NID2: variants seen among roughly 807,000 people sequenced by gnomAD.
NID2 encodes the protein nidogen 2, also known as nidogen-2.
NID2 carries 83 observed loss-of-function variants against 145.4 expected under a neutral mutation model. The observed-to-expected ratio is 0.57, with a 90% CI of 0.48 to 0.69. The LOEUF (loss-of-function observed/expected upper bound fraction) is 0.69. Among genes scored for constraint, NID2 ranks in the 30% least tolerant of loss-of-function variants. The pLI is 0.00. For missense variants in NID2, 1,807 were observed against 1,765.7 expected, an observed-to-expected ratio of 1.02 and a Z score of -0.42; for synonymous variants, 739 against 701.3, an observed-to-expected ratio of 1.05 and a Z score of -0.85.
chr14:52,068,697 G>A (rs984050), intron 1 of NID2, 70 bp downstream of exon 1: 1,182,261 of 1,374,222 alleles, frequency 0.86, 514,905 homozygotes, highest in East Asian at 1. Context: ...CCCTCTGGAG[G>A]CAGGGTTTCC....
intron 5 of NID2, among the ~76,000 whole-genome samples, chr14:52,051,563 AC>A (rs1356867502): frequency 6.6e-6 from 1 of 151,952 alleles, no homozygotes. Context: ...TGCCACTCCC[AC>A]CCCACAGCTT....
chr14:52,028,306 A>C (rs1452903770), intron 11 of NID2, among the ~76,000 whole-genome samples: 1 of 149,632 alleles, frequency 6.7e-6, no homozygotes, highest in East Asian at 2.0e-4. Context: ...ACAGAGTCTC[A>C]CTCTATTACC....
rs770850270 is a variant in NID2 at position 52,019,304 on chromosome 14, T to C, written c.2795-10A>G. 1.9e-6 allele frequency: 3 copies of C among 1,568,900 alleles called. No individual in the cohort carries two copies. Among genetic ancestry groups the C allele is most frequent in the Admixed American group, 1.7e-5 (1 of 58,228 alleles). On this transcript the variant is annotated splice_polypyrimidine_tract_variant and intron_variant, in intron 13 of 21. Coordinates refer to ENST00000216286, the MANE Select transcript of NID2 (RefSeq NM_007361.4). ...AGGCTTGAGGTGGAGTCTTCCAGGA[T>C]CAAGGCAGAGGAAGACACAAAAGAG...
intron 3 of NID2, among the ~76,000 whole-genome samples, chr14:52,059,545 C>T (rs1892958615): frequency 6.6e-6 from 1 of 152,162 alleles, no homozygotes; most frequent in South Asian, 2.1e-4. Context: ...CTAAGTAAGC[C>T]CTCTGGATCA....
chr14:52,038,856 C>T lies in NID2; in HGVS notation c.2148G>A (p.Pro716=), dbSNP rs200855288. Reference sequence around the variant, plus strand: ...TCAGCTGCTGGGTGGTGGGGAAGGACGGGTGTCTGGGGGCGTGCCTGCACA... The same window carrying T: ...TCAGCTGCTGGGTGGTGGGGAAGGATGGGTGTCTGGGGGCGTGCCTGCACA... ...YQVCRHAPRH[P]SFPTTQQLNV... The change falls in exon 9 of 22, where the codon CCG becomes CCA. Residue 716 remains proline (P), a synonymous_variant. Transcript: ENST00000216286. The T allele has an allele frequency of 2.6e-5, 42 of 1,613,898 alleles. No homozygotes were observed. Among genetic ancestry groups the T allele is most frequent in the Non-Finnish European group, 3.1e-5 (37 of 1,179,992 alleles).
chr14:52,068,008 G>C lies in NID2; in HGVS notation c.384C>G (p.Thr128=), dbSNP rs1893285882. The C allele has an allele frequency of 3.7e-6, 6 of 1,612,672 alleles. No homozygotes were observed. The highest frequency in any genetic ancestry group is 4.2e-6 in the Non-Finnish European group (5 of 1,179,086). ...CGGCCAGGCCCAGCACTGCGGGGGA[G>C]GTGTCCTCTCGGTACAGGACTCGGC... ...GRGRVLYRED[T]SPAVLGLAAR... is the part of the protein sequence containing the mutation. The change falls in exon 2 of 22, where the codon ACC becomes ACG. Residue 128 remains threonine (T), a synonymous_variant. Transcript: ENST00000216286.
chr14:52,007,080 A>G (rs945273788), intron 19 of NID2: 8 of 155,814 alleles, frequency 5.1e-5, no homozygotes, highest in African/African-American at 1.9e-4. Flanking sequence ...TAGGAGGAAA[A>G]AAGTGACTAA....
In NID2 at chr14:52,040,465, G is replaced by T. The variant is rs554754607; in HGVS notation, c.2026+186C>A. On this transcript the variant is annotated intron_variant, in intron 8 of 21. Transcript: ENST00000216286. ...AGGGATATAGATATTCTTATGTATA[G>T]CAGCCATTCTGCTCACTTACACGAT... is the stretch of plus-strand genomic sequence containing the variant. Among the ~76,000 whole-genome samples, 7 of 152,230 alleles carry T rather than the reference G, an allele frequency of 4.6e-5. No homozygotes were observed. In the East Asian group the frequency reaches 1.4e-3, roughly 29 times the overall value.
At position 52,060,363 on chromosome 14, in the gene NID2, G is replaced by GAA; in HGVS notation, c.535-8_535-7insTT. On this transcript the variant is annotated splice_region_variant and splice_polypyrimidine_tract_variant and intron_variant, in intron 2 of 21. Coordinates refer to ENST00000216286, the MANE Select transcript of NID2 (RefSeq NM_007361.4). ...CTGCCTGGAAAGTGTTCAGCTGTGAGGAAAAAAAAAAAAAAAGAGAGAGAG... is the reference window on the plus strand; with the variant it reads ...CTGCCTGGAAAGTGTTCAGCTGTGAGAAGAAAAAAAAAAAAAAAGAGAGAGAG... 3 of 1,032,066 alleles carry GAA rather than the reference G, an allele frequency of 2.9e-6. No individual in the cohort carries two copies. The highest frequency in any genetic ancestry group is 7.1e-5 in the East Asian group (2 of 28,316). 63.9% of individuals were successfully genotyped at this position (1,032,066 alleles called of 1,614,324 possible).
intron 2 of NID2, among the ~76,000 whole-genome samples, chr14:52,066,091 T>C (rs2140438927): frequency 6.6e-6 from 1 of 152,248 alleles, no homozygotes; most frequent in East Asian, 1.9e-4. Flanking sequence ...AACTAGCAAA[T>C]GGTAATGTCT....
In NID2 at chr14:52,015,164, C is replaced by G; in HGVS notation, c.3140G>C (p.Gly1047Ala). ...DQYVPQCDDL[G>A]HFIPLQCHGK... ...GTGGCACTGCAGGGGGATGAAGTGG[C>G]CCAGGTCATCGCACTGGGGCACGTA... Residue 1047 changes from glycine to alanine, a missense_variant, in exon 15 of 22, where the codon GGC becomes GCC. Physicochemically the swap from Gly to Ala is moderately conservative, Grantham distance 60. Coordinates refer to ENST00000216286, the MANE Select transcript of NID2 (RefSeq NM_007361.4). The G allele has an allele frequency of 6.2e-7, 1 of 1,614,080 alleles. No individual in the cohort carries two copies.
chr14:52,040,567 C>T, intron 8 of NID2, 84 bp downstream of exon 8: 1 of 1,151,264 alleles, frequency 8.7e-7, no homozygotes, highest in East Asian at 2.3e-5. Context: ...AAGGACATGC[C>T]ATGTAAGTCA....
intron 18 of NID2, chr14:52,009,310 A>AG (rs1347056990): frequency 6.6e-6 from 1 of 152,234 alleles, no homozygotes; most frequent in African/African-American, 2.4e-5. Flanking sequence ...ATCAACAACA[A>AG]TAAGTCTGAA....
chr14:52,026,162 C>G (rs1891579289), intron 12 of NID2, among the ~76,000 whole-genome samples: 2 of 152,212 alleles, frequency 1.3e-5, no homozygotes, highest in South Asian at 4.1e-4. Context: ...TCAGCCCATC[C>G]TGCTGAAACC....
chr14:52,008,933 TACTA>T (rs1255864126), intron 18 of NID2: 9 of 152,206 alleles, frequency 5.9e-5, no homozygotes, highest in Non-Finnish European at 1.3e-4. Flanking sequence ...TCATAACAGA[TACTA>T]ACGAGGAAAT....
chr14:52,007,589 C>T (rs1890835172), intron 19 of NID2: 2 of 524,180 alleles, frequency 3.8e-6, no homozygotes, highest in Non-Finnish European at 6.7e-6. Context: ...GTCAGGCAAG[C>T]AGTACAAACT....
chr14:52,024,444 C>T (rs775510244), intron 12 of NID2, among the ~76,000 whole-genome samples: 16 of 152,172 alleles, frequency 1.1e-4, no homozygotes, highest in Admixed American at 5.2e-4. Context: ...CCTCAAAGAA[C>T]CGAATCCTGC....
chr14:52,044,426 C>T (rs1043556804), intron 5 of NID2, among the ~76,000 whole-genome samples: 11 of 151,858 alleles, frequency 7.2e-5, no homozygotes, highest in East Asian at 3.9e-4. Context: ...CCCACCACCA[C>T]GCCTGACTAA....
intron 14 of NID2, among the ~76,000 whole-genome samples, chr14:52,017,281 A>G (rs918803985): frequency 6.6e-6 from 1 of 152,152 alleles, no homozygotes; most frequent in Admixed American, 6.5e-5. Flanking sequence ...ACTATTTGCT[A>G]CTTTTCAACC....
Sources: allele counts gnomAD v4.1 joint callset (sites outside exome capture counted in the v4.1 genomes callset), GRCh38; gene constraint gnomAD v4.1.1; transcripts MANE v1.5; gene names NCBI Gene and HGNC (gene_info 2026-07-23, HGNC 2026-07-21).